Variants in PLXDC2 observed in about 807,000 individuals in gnomAD.
PLXDC2 encodes the protein plexin domain-containing protein 2.
PLXDC2 carries 40 observed loss-of-function variants against 68.9 expected under a neutral mutation model. That is an observed-to-expected ratio of 0.58 (90% CI 0.45 to 0.76). The LOEUF is 0.76. Ranked by LOEUF, PLXDC2 falls within the 30% of genes least tolerant of loss-of-function variation. PLXDC2 has a pLI of 0.00. For synonymous variants in PLXDC2, 243 were observed against 234.2 expected, an observed-to-expected ratio of 1.04 and a Z score of -0.34; for missense variants, 644 against 661.9, an observed-to-expected ratio of 0.97 and a Z score of 0.30.
At chr10:19,961,786 C>G (rs1374989343) in intron 1 of PLXDC2, among the ~76,000 whole-genome samples, 1 of 152,130 alleles carries the variant, frequency 6.6e-6, no homozygotes, top group African/African-American at 2.4e-5. Context: ...CAGGGTTTGC[C>G]TCAACTTCTG....
chr10:19,911,780 A>T (rs998561128), intron 1 of PLXDC2, among the ~76,000 whole-genome samples: 2 of 152,210 alleles, frequency 1.3e-5, no homozygotes, highest in African/African-American at 4.8e-5. Context: ...TTTTTAGTTC[A>T]TTAAAAAAGA....
chr10:20,019,115 A>G (rs1453277432), intron 2 of PLXDC2, among the ~76,000 whole-genome samples: 2 of 152,140 alleles, frequency 1.3e-5, no homozygotes. Context: ...CAGCGTATCA[A>G]TTTAAGAAAA....
At chr10:20,036,552 C>G (rs956753235) in intron 2 of PLXDC2, among the ~76,000 whole-genome samples, 1 of 152,078 alleles carries the variant, frequency 6.6e-6, no homozygotes, top group African/African-American at 2.4e-5. Flanking sequence ...AAATCTAGAA[C>G]AGAAATTTCC....
chr10:20,099,863 A>T (rs748831394), intron 4 of PLXDC2, among the ~76,000 whole-genome samples: 27 of 151,952 alleles, frequency 1.8e-4, no homozygotes, highest in Non-Finnish European at 3.2e-4. Context: ...GTAGACATTT[A>T]AAAAAATCAA....
In PLXDC2 at chr10:20,165,542, T is replaced by C. The variant is rs191010839; in HGVS notation, c.883+975T>C. Among the ~76,000 whole-genome samples the C allele has an allele frequency of 3.7e-3, 559 of 152,174 alleles. 3 individuals carry two copies. Among genetic ancestry groups the C allele is most frequent in the African/African-American group, 0.012 (515 of 41,508 alleles). ...GAATATGCGGTGTTTGGTTTTTTGT[T>C]CTTGTGATAGTTTACTGAGAATGAT... On this transcript the variant is annotated intron_variant, in intron 7 of 13. Transcript: ENST00000377252.
At chr10:20,081,353 G>T (rs1160824393) in intron 4 of PLXDC2, among the ~76,000 whole-genome samples, 1 of 151,842 alleles carries the variant, frequency 6.6e-6, no homozygotes, top group African/African-American at 2.4e-5. Context: ...ACAGCCTAAA[G>T]ATACAGACCT....
intron 2 of PLXDC2, among the ~76,000 whole-genome samples, chr10:20,037,981 A>G (rs1388030686): frequency 1.3e-5 from 2 of 152,220 alleles, no homozygotes; most frequent in African/African-American, 4.8e-5. Context: ...TCTGAAGTAC[A>G]TGCCTGTAAT....
chr10:19,851,747 G>C (rs866468625), intron 1 of PLXDC2, among the ~76,000 whole-genome samples: 1 of 151,992 alleles, frequency 6.6e-6, no homozygotes, highest in African/African-American at 2.4e-5. Context: ...CTGGTTTGAC[G>C]GTGTTGGCCA....
Position 20,179,167 on chromosome 10 carries a change from C to T in PLXDC2, c.1061+1758C>T, listed in dbSNP as rs533137124. ...TTGAGCTGCATACCTACTTCAGATC[C>T]ATTTCAGTGATCACCTCGTCCAAGT... On this transcript the variant is annotated intron_variant, in intron 9 of 13. Transcript: ENST00000377252. Among the ~76,000 whole-genome samples the T allele has an allele frequency of 4.6e-5, 7 of 152,184 alleles. No homozygotes were observed. In the East Asian group the frequency reaches 7.8e-4, roughly 17 times the overall value.
At chr10:19,995,449 G>A (rs1286622986) in intron 1 of PLXDC2, among the ~76,000 whole-genome samples, 1 of 152,182 alleles carries the variant, frequency 6.6e-6, no homozygotes, top group Admixed American at 6.5e-5. Flanking sequence ...CAGTCCCCAA[G>A]GTCCTACTGT....
rs543779292 is a variant in PLXDC2 at position 20,263,873 on chromosome 10, G to A, written c.1474-15830G>A. Among the ~76,000 whole-genome samples, 395 of 152,226 alleles carry A rather than the reference G, an allele frequency of 2.6e-3. 1 individual carries two copies. Among genetic ancestry groups the A allele is most frequent in the Non-Finnish European group, 4.0e-3 (271 of 68,022 alleles). ...GGAACCCTTTTTGCACTGTTTGTGGGAGTATAAGTTAGTTCAACCATTGTG... is the reference window on the plus strand; with the variant it reads ...GGAACCCTTTTTGCACTGTTTGTGGAAGTATAAGTTAGTTCAACCATTGTG... On this transcript the variant is annotated intron_variant, in intron 13 of 13. Transcript: ENST00000377252.
chr10:20,159,908 C>T (rs1342992934), intron 6 of PLXDC2, among the ~76,000 whole-genome samples: 3 of 152,172 alleles, frequency 2.0e-5, no homozygotes, highest in East Asian at 3.9e-4. Flanking sequence ...CGACTCTCTT[C>T]TCTCCTAGAG....
At chr10:20,208,902 T>C (rs879615264) in intron 9 of PLXDC2, among the ~76,000 whole-genome samples, 12 of 151,978 alleles carry the variant, frequency 7.9e-5, no homozygotes, top group Non-Finnish European at 1.6e-4. Flanking sequence ...CCCCAAGCCA[T>C]AAAACCAGCA....
At chr10:19,949,810 T>C (rs915361265) in intron 1 of PLXDC2, among the ~76,000 whole-genome samples, 3 of 152,186 alleles carry the variant, frequency 2.0e-5, no homozygotes, top group African/African-American at 7.2e-5. Flanking sequence ...GTGTGTGTCC[T>C]GTTGGCCATA....
Position 20,001,775 on chromosome 10 carries a change from A to T in PLXDC2, c.113A>T (p.Asp38Val). ...CCCATTTTCTTTCTTTTTCAAACAG[A>T]TTGGCAGTATGGAGTTACTCAGGCC... Reference protein sequence around the residue: ...ADGKPGDQILDWQYGVTQAFP... With the variant: ...ADGKPGDQILVWQYGVTQAFP... Residue 38 changes from aspartate (D) to valine (V), a missense_variant and splice_region_variant, in exon 2 of 14, where the codon GAT becomes GTT. By Grantham distance (152) the Asp-to-Val change is radical. Transcript: ENST00000377252. 2 of 1,613,860 alleles carry T rather than the reference A, an allele frequency of 1.2e-6. No individual in the cohort carries two copies. The highest frequency in any genetic ancestry group is 2.7e-5 in the African/African-American group (2 of 75,032).
At chr10:20,064,905 GTTT>G (rs750236866) in intron 3 of PLXDC2, among the ~76,000 whole-genome samples, 10 of 1,046 alleles carry the variant, frequency 9.6e-3, no homozygotes, top group Non-Finnish European at 0.013. Flanking sequence ...TGTTTTGTTT[GTTT>G]GGTTTTTTTT....
At chr10:20,028,702 A>G (rs1397691244) in intron 2 of PLXDC2, among the ~76,000 whole-genome samples, 2 of 152,102 alleles carry the variant, frequency 1.3e-5, no homozygotes, top group Non-Finnish European at 2.9e-5. Flanking sequence ...AGCCTTTCTC[A>G]TAACAGCCTC....
chr10:19,843,623 T>G (rs1361879521), intron 1 of PLXDC2, among the ~76,000 whole-genome samples: 1 of 152,136 alleles, frequency 6.6e-6, no homozygotes, highest in Non-Finnish European at 1.5e-5. Flanking sequence ...TGCAACAACA[T>G]GAATAGAACT....
intron 4 of PLXDC2, among the ~76,000 whole-genome samples, chr10:20,093,434 G>C (rs1267490004): frequency 6.6e-6 from 1 of 152,050 alleles, no homozygotes; most frequent in Non-Finnish European, 1.5e-5. Context: ...GGCAAATTTG[G>C]ATTCCACCCT....
Sources: allele counts gnomAD v4.1 joint callset (sites outside exome capture counted in the v4.1 genomes callset), GRCh38; gene constraint gnomAD v4.1.1; transcripts MANE v1.5; gene names NCBI Gene and HGNC (gene_info 2026-07-23, HGNC 2026-07-21).